VTI1A: variants seen among roughly 807,000 people sequenced by gnomAD.
VTI1A encodes vesicle transport through interaction with t-SNAREs 1A.
Under a neutral mutation model 34.9 loss-of-function variants are expected in VTI1A, and 22 were observed. The observed-to-expected ratio is 0.63, with a 90% CI of 0.45 to 0.90. The LOEUF (loss-of-function observed/expected upper bound fraction) is 0.90, where lower values mean the gene tolerates loss of function less well. Ranked by LOEUF, VTI1A falls within the 40% of genes least tolerant of loss-of-function variation. VTI1A has a pLI of 0.00. For missense variants in VTI1A, 268 were observed against 275.6 expected (o/e 0.97, Z 0.20); for synonymous variants, 87 against 97.3 (o/e 0.89, Z 0.62).
At chr10:112,568,328 G>A (rs1004998276) in intron 5 of VTI1A, among the ~76,000 whole-genome samples, 4 of 152,060 alleles carry the variant, frequency 2.6e-5, no homozygotes, top group Non-Finnish European at 5.9e-5. Context: ...CCAACATGAT[G>A]AAACCCCGTC....
intron 5 of VTI1A, among the ~76,000 whole-genome samples, chr10:112,655,555 T>G (rs915611279): frequency 2.6e-5 from 4 of 152,178 alleles, no homozygotes; most frequent in Non-Finnish European, 5.9e-5. Context: ...AAAAGTGTTT[T>G]TTATTAGGAA....
At chr10:112,782,515 A>G (rs1046053677) in intron 7 of VTI1A, among the ~76,000 whole-genome samples, 2 of 152,252 alleles carry the variant, frequency 1.3e-5, no homozygotes, top group African/African-American at 4.8e-5. Flanking sequence ...GCGGCATATT[A>G]GTGAAGTCTG....
At chr10:112,688,691 T>TTTTG (rs1468236021) in intron 7 of VTI1A, among the ~76,000 whole-genome samples, 10 of 151,416 alleles carry the variant, frequency 6.6e-5, no homozygotes, top group African/African-American at 1.5e-4. Context: ...CCAGCTTATT[T>TTTTG]TTTGTTTGTT....
chr10:112,509,999 T>C (rs536231761), intron 3 of VTI1A, among the ~76,000 whole-genome samples: 1 of 152,300 alleles, frequency 6.6e-6, no homozygotes, highest in South Asian at 2.1e-4. Flanking sequence ...TATTGCATAT[T>C]TATAGAACGC....
At chr10:112,799,506 C>T (rs913837108) in intron 7 of VTI1A, among the ~76,000 whole-genome samples, 2 of 152,202 alleles carry the variant, frequency 1.3e-5, no homozygotes, top group African/African-American at 2.4e-5. Flanking sequence ...GGCAGATGCC[C>T]CTGTTCTCCC....
At chr10:112,591,287 G>A (rs1472966183) in intron 5 of VTI1A, among the ~76,000 whole-genome samples, 2 of 152,162 alleles carry the variant, frequency 1.3e-5, no homozygotes, top group Non-Finnish European at 2.9e-5. Flanking sequence ...TTGAGAGGCC[G>A]AGGCAGGCGG....
chr10:112,492,897 G>A (rs1458215193), intron 3 of VTI1A, among the ~76,000 whole-genome samples: 2 of 151,928 alleles, frequency 1.3e-5, no homozygotes, highest in Admixed American at 6.6e-5. Flanking sequence ...AAACATAACC[G>A]TAATCGAGTT....
intron 7 of VTI1A, among the ~76,000 whole-genome samples, chr10:112,812,528 C>A (rs1206444557): frequency 6.6e-6 from 1 of 152,186 alleles, no homozygotes; most frequent in African/African-American, 2.4e-5. Context: ...CCAATGCCAG[C>A]CTGTATTTCC....
chr10:112,561,333 C>G (rs1418096820), intron 5 of VTI1A, among the ~76,000 whole-genome samples: 1 of 152,104 alleles, frequency 6.6e-6, no homozygotes, highest in Admixed American at 6.5e-5. Flanking sequence ...TTTTAGGCTA[C>G]AAAATTAATA....
chr10:112,714,486 G>A (rs1849537132), intron 7 of VTI1A, among the ~76,000 whole-genome samples: 1 of 152,214 alleles, frequency 6.6e-6, no homozygotes, highest in African/African-American at 2.4e-5. Flanking sequence ...TTGGCATAGA[G>A]TAAGGACTTA....
chr10:112,780,006 T>C (rs1852068504), intron 7 of VTI1A, among the ~76,000 whole-genome samples: 1 of 151,636 alleles, frequency 6.6e-6, no homozygotes, highest in African/African-American at 2.4e-5. Flanking sequence ...TAAACTTAGT[T>C]GTATGGCAGA....
intron 7 of VTI1A, among the ~76,000 whole-genome samples, chr10:112,671,141 C>G (rs1847831995): frequency 6.6e-6 from 1 of 152,184 alleles, no homozygotes. Flanking sequence ...GAAGTAGAGG[C>G]AGGGTTTATG....
intron 5 of VTI1A, chr10:112,548,518 C>T (rs1403397745): frequency 6.7e-6 from 4 of 600,134 alleles, no homozygotes; most frequent in Non-Finnish European, 1.2e-5. Flanking sequence ...TCTTTTACTA[C>T]TAAACTTAAA....
Position 112,755,164 on chromosome 10 carries a change from G to A in VTI1A, c.561-60126G>A, listed in dbSNP as rs116980500. 1.9e-3 allele frequency among the ~76,000 whole-genome samples: 294 copies of A among 152,254 alleles called. 3 individuals are homozygous for A. In the East Asian group the frequency reaches 0.027, roughly 14 times the overall value. On this transcript the variant is annotated intron_variant, in intron 7 of 7. Coordinates refer to ENST00000393077, the MANE Select transcript of VTI1A (RefSeq NM_145206.4). ...CAGCTACCTCAGGAGGCTGAGGCAC[G>A]AGAATCATTGGAACTCAGGCGGTGG...
At chr10:112,676,282 C>G (rs1413994037) in intron 7 of VTI1A, among the ~76,000 whole-genome samples, 1 of 152,048 alleles carries the variant, frequency 6.6e-6, no homozygotes, top group Non-Finnish European at 1.5e-5. Flanking sequence ...TTCTGGGACC[C>G]TCACTCAGCA....
chr10:112,809,528 C>G (rs183082811), intron 7 of VTI1A, among the ~76,000 whole-genome samples: 2 of 152,274 alleles, frequency 1.3e-5, no homozygotes, highest in East Asian at 3.9e-4. Flanking sequence ...CTGCTCTGAA[C>G]CTGTAAAGTG....
At chr10:112,521,546 C>T (rs1170645445) in intron 3 of VTI1A, among the ~76,000 whole-genome samples, 3 of 151,954 alleles carry the variant, frequency 2.0e-5, no homozygotes, top group Admixed American at 6.6e-5. Context: ...ATCTTCACAA[C>T]AGCCCTAGGA....
At chr10:112,594,076 A>AT (rs902078150) in intron 5 of VTI1A, among the ~76,000 whole-genome samples, 37 of 151,748 alleles carry the variant, frequency 2.4e-4, no homozygotes, top group Middle Eastern at 3.2e-3. Flanking sequence ...TGCCCGGCTA[A>AT]TTTTTTTTGT....
chr10:112,492,463 G>A (rs1161611680), intron 3 of VTI1A, among the ~76,000 whole-genome samples: 1 of 152,076 alleles, frequency 6.6e-6, no homozygotes, highest in Non-Finnish European at 1.5e-5. Flanking sequence ...TTAGATAAAA[G>A]CTATTTCTCC....
Sources: allele counts gnomAD v4.1 joint callset (sites outside exome capture counted in the v4.1 genomes callset), GRCh38; gene constraint gnomAD v4.1.1; transcripts MANE v1.5; gene names NCBI Gene and HGNC (gene_info 2026-07-23, HGNC 2026-07-21).